PIP5K1C: variants seen among roughly 807,000 people sequenced by gnomAD.
The protein encoded by PIP5K1C is phosphatidylinositol 4-phosphate 5-kinase type-1 gamma.
A neutral mutation model predicts 80.1 loss-of-function variants in PIP5K1C; 45 were observed. The ratio of observed to expected loss-of-function variants is 0.56; its 90% CI spans 0.44 to 0.72. The LOEUF is 0.72. Ranked by LOEUF, PIP5K1C falls within the 30% of genes least tolerant of loss-of-function variation. The probability of loss-of-function intolerance (pLI) is 0.00; values close to 1 mark genes in which losing one functional copy is unlikely to be tolerated. For missense variants in PIP5K1C, 753 were observed against 954.6 expected (o/e 0.79, Z 2.78); for synonymous variants, 498 against 420.1 (o/e 1.19, Z -2.27).
intron 1 of PIP5K1C, among the ~76,000 whole-genome samples, chr19:3,670,076 G>A (rs2035153476): frequency 6.7e-6 from 1 of 150,354 alleles, no homozygotes; most frequent in Non-Finnish European, 1.5e-5. Context: ...AGGGGACTGC[G>A]GTCAGGAACC....
At chr19:3,638,453 G>A (rs997698469) in intron 16 of PIP5K1C, among the ~76,000 whole-genome samples, 5 of 152,226 alleles carry the variant, frequency 3.3e-5, no homozygotes, top group Admixed American at 6.5e-5. Flanking sequence ...AGGTCCTGCC[G>A]CCACAGCCCT....
In PIP5K1C at chr19:3,630,756, A is replaced by C. The variant is rs2033447936; in HGVS notation, c.*2411T>G. 1 of 152,126 alleles carries C rather than the reference A, an allele frequency of 6.6e-6. No homozygotes were observed. The highest frequency in any genetic ancestry group is 1.5e-5 in the Non-Finnish European group (1 of 67,982). The allele number at this position is 152,126 out of a possible 1,614,324, so 9.4% of individuals were successfully genotyped here. A position where few individuals can be genotyped will look rare whatever the true frequency, so the allele number is the denominator to read the frequency against. ...CAGTACAGGAATTTGGACACTGCCC[A>C]CGTTCTCAGTGGACAGCAGCCATCA... On this transcript the variant is annotated 3_prime_UTR_variant, in exon 18 of 18. Transcript: ENST00000335312.
At chr19:3,667,460 C>G (rs892363951) in intron 1 of PIP5K1C, 107 bp from the exon 2 acceptor site, 2 of 1,210,100 alleles carry the variant, frequency 1.7e-6, no homozygotes, top group Middle Eastern at 1.9e-4. Flanking sequence ...GCGTGTGTAA[C>G]TCCGCGTGGG....
chr19:3,681,456 T>C (rs555809742), intron 1 of PIP5K1C, among the ~76,000 whole-genome samples: 58 of 152,200 alleles, frequency 3.8e-4, no homozygotes, highest in African/African-American at 1.4e-3. Context: ...GATCTCGAAC[T>C]CCTGACCTCA....
chr19:3,670,330 G>A (rs562771304), intron 1 of PIP5K1C, among the ~76,000 whole-genome samples: 15 of 152,342 alleles, frequency 9.8e-5, no homozygotes, highest in African/African-American at 2.9e-4. Context: ...AGGTCATGCC[G>A]GAGTGGGGTG....
chr19:3,671,260 T>A (rs2145529203), intron 1 of PIP5K1C, among the ~76,000 whole-genome samples: 1 of 152,328 alleles, frequency 6.6e-6, no homozygotes, highest in Non-Finnish European at 1.5e-5. Flanking sequence ...GCCCCGATGC[T>A]GAGAGGTCAC....
In PIP5K1C at chr19:3,656,375, G is replaced by A. The variant is rs761192924; in HGVS notation, c.621+30C>T. ...CCGGGAGAAGGGGGTTGACCGAGGA[G>A]CCATCTGCCCCGCAGGGCGGGCCAC... On this transcript the variant is annotated intron_variant, in intron 6 of 17. Coordinates refer to ENST00000335312, the MANE Select transcript of PIP5K1C (RefSeq NM_012398.3). 3.7e-6 allele frequency: 6 copies of A among 1,611,852 alleles called. No homozygotes were observed. The East Asian group carries it at 6.7e-5, about 18-fold the overall frequency.
At chr19:3,661,291 G>A (rs761852424) in intron 4 of PIP5K1C, among the ~76,000 whole-genome samples, 3 of 146,408 alleles carry the variant, frequency 2.0e-5, no homozygotes, top group Non-Finnish European at 3.0e-5. Context: ...CATTAACAAC[G>A]GGGCCCACAG....
At chr19:3,683,119 G>C (rs2145580759) in intron 1 of PIP5K1C, among the ~76,000 whole-genome samples, 1 of 152,138 alleles carries the variant, frequency 6.6e-6, no homozygotes. Context: ...TCCCCTCCCT[G>C]GTCACCCTGC....
rs954151769 is a variant in PIP5K1C at position 3,645,267 on chromosome 19, A to T, written c.1345+707T>A. On this transcript the variant is annotated intron_variant, in intron 11 of 17. Coordinates refer to ENST00000335312, the MANE Select transcript of PIP5K1C (RefSeq NM_012398.3). ...TCTCTGTGGGCCAGGCCTGTGCAGG[A>T]TGCTGGGGAGCCCGGGAGCCTTCTG... 2.0e-5 allele frequency among the ~76,000 whole-genome samples: 3 copies of T among 152,224 alleles called. No homozygotes were observed. In the South Asian group the frequency reaches 6.2e-4, roughly 32 times the overall value.
chr19:3,650,630 C>G (rs1301162893), intron 8 of PIP5K1C, among the ~76,000 whole-genome samples: 1 of 152,254 alleles, frequency 6.6e-6, no homozygotes, highest in African/African-American at 2.4e-5. Flanking sequence ...TCTCCCCAGC[C>G]AAACCCTGAG....
At chr19:3,676,699 T>C (rs1456120363) in intron 1 of PIP5K1C, among the ~76,000 whole-genome samples, 1 of 152,196 alleles carries the variant, frequency 6.6e-6, no homozygotes, top group Non-Finnish European at 1.5e-5. Flanking sequence ...TGAAAAACGC[T>C]GTGATCCCAT....
Position 3,639,028 on chromosome 19 carries a change from A to G in PIP5K1C, c.1788-12T>C, listed in dbSNP as rs2145383384. 6.2e-7 allele frequency: 1 copy of G among 1,609,212 alleles called. No homozygotes were observed. Among genetic ancestry groups the G allele is most frequent in the Non-Finnish European group, 8.5e-7 (1 of 1,179,844 alleles). On this transcript the variant is annotated splice_polypyrimidine_tract_variant and intron_variant, in intron 15 of 17. Coordinates refer to ENST00000335312, the MANE Select transcript of PIP5K1C (RefSeq NM_012398.3). ...GGGAAGCCTCCACCCTGGGGACAGG[A>G]GTAGACAGAGGGTCTTGACCCTCAG...
chr19:3,684,910 C>T (rs1234957968), intron 1 of PIP5K1C, among the ~76,000 whole-genome samples: 2 of 152,188 alleles, frequency 1.3e-5, no homozygotes, highest in African/African-American at 2.4e-5. Flanking sequence ...GGGCCAGACA[C>T]GTGAATCTTA....
chr19:3,645,938 G>A, intron 11 of PIP5K1C, 36 bp downstream of exon 11: 1 of 1,548,830 alleles, frequency 6.5e-7, no homozygotes, highest in Non-Finnish European at 8.9e-7. Context: ...GCCTTCCCCA[G>A]GGTCCCTCCC....
chr19:3,670,612 G>A (rs371074457), intron 1 of PIP5K1C, among the ~76,000 whole-genome samples: 41 of 152,358 alleles, frequency 2.7e-4, no homozygotes, highest in Admixed American at 1.5e-3. Context: ...CCAGTCCCGG[G>A]GACTTTGTCT....
At chr19:3,651,724 G>A (rs1009595949) in intron 8 of PIP5K1C, 102 bp downstream of exon 8, 25 of 1,214,502 alleles carry the variant, frequency 2.1e-5, no homozygotes, top group African/African-American at 1.5e-4. Flanking sequence ...GCATGCCCTC[G>A]CCAGCCCTCC....
chr19:3,658,697 G>C (rs1418101929), intron 5 of PIP5K1C, among the ~76,000 whole-genome samples: 4 of 152,210 alleles, frequency 2.6e-5, no homozygotes, highest in Admixed American at 6.5e-5. Flanking sequence ...TGTCCACGGT[G>C]GCAGGAGGGG....
intron 17 of PIP5K1C, 113 bp from the exon 18 acceptor site, chr19:3,633,282 G>A: frequency 1.5e-6 from 1 of 677,196 alleles, no homozygotes; most frequent in Non-Finnish European, 2.7e-6. Flanking sequence ...TTAGCCCACG[G>A]CCACCTCAGA....
Sources: gnomAD v4.1 joint callset for allele counts (sites outside exome capture counted in the v4.1 genomes callset) on GRCh38, gnomAD v4.1.1 for gene constraint, MANE v1.5 for transcripts, NCBI Gene and HGNC (gene_info 2026-07-23, HGNC 2026-07-21) for gene names.